Variants in RGS18 observed in about 807,000 individuals in gnomAD.
RGS18 encodes the protein regulator of G protein signaling 18.
Under a neutral mutation model 27.6 loss-of-function variants are expected in RGS18, and 22 were observed. That is an observed-to-expected ratio of 0.80 (90% CI 0.57 to 1.14). The LOEUF (loss-of-function observed/expected upper bound fraction) is 1.14. RGS18 is among the 50% of genes most tolerant of loss of function. The pLI is 0.00. For synonymous variants in RGS18, 89 were observed against 84.6 expected (o/e 1.05, Z -0.29); for missense variants, 299 against 269.6 (o/e 1.11, Z -0.76).
chr1:192,181,515 TTA>T, intron 4 of RGS18, 57 bp downstream of exon 4: 1 of 1,175,684 alleles, frequency 8.5e-7, no homozygotes, highest in Non-Finnish European at 1.2e-6. Context: ...TTTAATAATT[TTA>T]TTTTTAAATT....
chr1:192,182,211 C>T (rs902453248), intron 4 of RGS18, among the ~76,000 whole-genome samples: 7 of 151,446 alleles, frequency 4.6e-5, no homozygotes, highest in Non-Finnish European at 3.0e-5. Context: ...TATACCTAGA[C>T]GTAGAATGGC....
At chr1:192,175,572 GT>G (rs992157785) in intron 3 of RGS18, among the ~76,000 whole-genome samples, 11 of 151,822 alleles carry the variant, frequency 7.2e-5, no homozygotes, top group African/African-American at 2.2e-4. Context: ...ACTTTCTTTG[GT>G]ATCTCTTCTA....
chr1:192,171,599 G>A lies in RGS18; in HGVS notation c.284-9693G>A, dbSNP rs571945540. Among the ~76,000 whole-genome samples, 333 of 152,176 alleles carry A rather than the reference G, an allele frequency of 2.2e-3. 4 individuals carry two copies. The highest frequency in any genetic ancestry group is 7.4e-3 in the African/African-American group (307 of 41,542). ...AACATCCCAATGAAGAGGCCGTGGT[G>A]CAGAAGAGACCTATGTCATCCTTTT... On this transcript the variant is annotated intron_variant, in intron 3 of 4. Coordinates refer to ENST00000367460, the MANE Select transcript of RGS18 (RefSeq NM_130782.3).
intron 3 of RGS18, among the ~76,000 whole-genome samples, chr1:192,179,173 G>A (rs539902429): frequency 2.0e-5 from 3 of 151,422 alleles, no homozygotes; most frequent in African/African-American, 7.2e-5. Context: ...AAAAGGAGGG[G>A]GTCAGTATTA....
At chr1:192,162,198 C>A (rs1242611197) in intron 3 of RGS18, among the ~76,000 whole-genome samples, 1 of 152,194 alleles carries the variant, frequency 6.6e-6, no homozygotes, top group Non-Finnish European at 1.5e-5. Context: ...AAACAGCCTT[C>A]CTCAACTACT....
chr1:192,162,366 T>C (rs1656089158), intron 3 of RGS18, among the ~76,000 whole-genome samples: 1 of 152,192 alleles, frequency 6.6e-6, no homozygotes, highest in Admixed American at 6.5e-5. Context: ...TGGAGTGCAC[T>C]GGCACAATCT....
intron 3 of RGS18, among the ~76,000 whole-genome samples, chr1:192,180,060 G>A (rs898848197): frequency 2.0e-5 from 3 of 151,518 alleles, no homozygotes; most frequent in Admixed American, 2.0e-4. Flanking sequence ...TTAAAAATAA[G>A]TAGAGTTAAA....
intron 3 of RGS18, among the ~76,000 whole-genome samples, chr1:192,165,535 G>A (rs771701217): frequency 2.6e-5 from 4 of 152,126 alleles, no homozygotes; most frequent in African/African-American, 7.2e-5. Context: ...GGAACCTGCC[G>A]ATGTGATGTC....
At chr1:192,175,780 G>C (rs368630895) in intron 3 of RGS18, among the ~76,000 whole-genome samples, 1 of 151,806 alleles carries the variant, frequency 6.6e-6, no homozygotes, top group African/African-American at 2.4e-5. Flanking sequence ...GATTCACTCT[G>C]CACTGGTTAC....
chr1:192,159,357 C>G (rs984450356), intron 2 of RGS18, 36 bp downstream of exon 2: 2 of 1,365,920 alleles, frequency 1.5e-6, no homozygotes, highest in Admixed American at 1.7e-5. Flanking sequence ...GAAGATTTTG[C>G]TGATTCTATC....
rs1205621841 is a variant in RGS18 at position 192,185,676 on chromosome 1, A to G, written c.*1122A>G. On this transcript the variant is annotated 3_prime_UTR_variant, in exon 5 of 5. Coordinates refer to ENST00000367460, the MANE Select transcript of RGS18 (RefSeq NM_130782.3). ...CATGGTCTGTAAATATTTGTATTTA[A>G]AAATGCCATGCATTAGGCTTTGGAA... 2.0e-5 allele frequency: 3 copies of G among 151,672 alleles called. No individual in the cohort carries two copies. The highest frequency in any genetic ancestry group is 1.9e-4 in the East Asian group (1 of 5,140). 9.4% of individuals were successfully genotyped at this position (151,672 alleles called of 1,614,324 possible).
chr1:192,162,135 AT>A (rs1557934004), intron 3 of RGS18, among the ~76,000 whole-genome samples: 1 of 152,168 alleles, frequency 6.6e-6, no homozygotes, highest in Non-Finnish European at 1.5e-5. Context: ...TATTCCTTAT[AT>A]TTCACTCTAA....
chr1:192,173,168 T>C (rs1175826935), intron 3 of RGS18, among the ~76,000 whole-genome samples: 4 of 151,830 alleles, frequency 2.6e-5, no homozygotes, highest in Admixed American at 1.3e-4. Context: ...CCATGAGGAA[T>C]AGTTCTAGAC....
chr1:192,176,621 G>A (rs1319808562), intron 3 of RGS18, among the ~76,000 whole-genome samples: 1 of 151,524 alleles, frequency 6.6e-6, no homozygotes, highest in Non-Finnish European at 1.5e-5. Flanking sequence ...ATTTAAGGTA[G>A]TGCTCTATAG....
chr1:192,182,157 G>T (rs1028025183), intron 4 of RGS18, among the ~76,000 whole-genome samples: 1 of 151,628 alleles, frequency 6.6e-6, no homozygotes, highest in African/African-American at 2.4e-5. Context: ...AAACATGGGA[G>T]TGTAGATATC....
rs147410735 is a variant in RGS18 at position 192,177,171 on chromosome 1, T to A, written c.284-4121T>A. ...TAGAATATTAATTAAATGTTTAATG[T>A]CATCAAGCTAAGAATTAACTTTTTA... On this transcript the variant is annotated intron_variant, in intron 3 of 4. Coordinates refer to ENST00000367460, the MANE Select transcript of RGS18 (RefSeq NM_130782.3). 1.8e-3 allele frequency among the ~76,000 whole-genome samples: 267 copies of A among 151,946 alleles called. 3 individuals are homozygous for A. The Middle Eastern group carries it at 0.02, about 12-fold the overall frequency.
At chr1:192,180,506 G>A (rs995129836) in intron 3 of RGS18, among the ~76,000 whole-genome samples, 11 of 151,568 alleles carry the variant, frequency 7.3e-5, no homozygotes, top group Non-Finnish European at 1.6e-4. Context: ...AAGTGAAAAA[G>A]AGGTCCCATG....
At chr1:192,170,689 A>G (rs1425840777) in intron 3 of RGS18, among the ~76,000 whole-genome samples, 6 of 152,092 alleles carry the variant, frequency 3.9e-5, no homozygotes, top group African/African-American at 1.2e-4. Context: ...AAAGACAAGT[A>G]AAACCATAGA....
intron 3 of RGS18, among the ~76,000 whole-genome samples, chr1:192,166,173 C>T (rs1210458956): frequency 2.6e-5 from 4 of 151,944 alleles, no homozygotes; most frequent in African/African-American, 7.3e-5. Context: ...TGTGTAGGCA[C>T]GTTTGAAAGG....
Sources: gnomAD v4.1 joint callset for allele counts (sites outside exome capture counted in the v4.1 genomes callset) on GRCh38, gnomAD v4.1.1 for gene constraint, MANE v1.5 for transcripts, NCBI Gene and HGNC (gene_info 2026-07-23, HGNC 2026-07-21) for gene names.